Variants in SRSF11 observed in about 807,000 individuals in gnomAD.
The protein encoded by SRSF11 is serine and arginine rich splicing factor 11.
Under a neutral mutation model 56.0 loss-of-function variants are expected in SRSF11, and 9 were observed. The observed-to-expected ratio is 0.16, with a 90% CI of 0.10 to 0.28. The LOEUF (loss-of-function observed/expected upper bound fraction) is 0.28, where lower values mean the gene tolerates loss of function less well. Ranked by LOEUF, SRSF11 falls within the 10% of genes least tolerant of loss-of-function variation. SRSF11 has a pLI of 1.00. For missense variants in SRSF11, 421 were observed against 600.7 expected (o/e 0.70, Z 3.13); for synonymous variants, 222 against 215.3 (o/e 1.03, Z -0.27).
intron 2 of SRSF11, chr1:70,229,092 A>G (rs1234420323): frequency 2.5e-5 from 29 of 1,140,984 alleles, no homozygotes; most frequent in Non-Finnish European, 3.2e-5. Flanking sequence ...TTAGGTGCCA[A>G]ATGGGCACTG....
chr1:70,245,955 G>C (rs1181975763), intron 8 of SRSF11, among the ~76,000 whole-genome samples: 2 of 152,078 alleles, frequency 1.3e-5, no homozygotes. Context: ...TAGTAATCTA[G>C]GAGTTAGATG....
chr1:70,227,951 A>G (rs1672168673), intron 1 of SRSF11, among the ~76,000 whole-genome samples: 1 of 152,148 alleles, frequency 6.6e-6, no homozygotes, highest in Non-Finnish European at 1.5e-5. Flanking sequence ...TGTTTATTTT[A>G]TGCAGTTCAA....
chr1:70,249,059 ATTTTT>A (rs577595770), intron 9 of SRSF11: 1 of 149,244 alleles, frequency 6.7e-6, no homozygotes, highest in Admixed American at 6.7e-5. Flanking sequence ...CAGGAACAGA[ATTTTT>A]TTTTTTAAGT....
At position 70,209,873 on chromosome 1, in the gene SRSF11, A is replaced by T. The variant is rs551696009; in HGVS notation, c.-26+4093A>T. Among the ~76,000 whole-genome samples the T allele has an allele frequency of 2.0e-4, 29 of 144,498 alleles. No individual in the cohort carries two copies. The South Asian group carries it at 6.2e-3, about 31-fold the overall frequency. 94.8% of individuals were successfully genotyped at this position (144,498 alleles called of 152,430 possible). A position where few individuals can be genotyped will look rare whatever the true frequency, so the allele number is the denominator to read the frequency against. On this transcript the variant is annotated intron_variant, in intron 1 of 12. Transcript: ENST00000370950. ...CCTGGCCTCCCAACGTGTTGGAATT[A>T]CAGGCATGAGCCACGATGCCTGGCC... is the stretch of plus-strand genomic sequence containing the variant.
At chr1:70,224,604 A>G (rs1671368152) in intron 1 of SRSF11, among the ~76,000 whole-genome samples, 1 of 152,184 alleles carries the variant, frequency 6.6e-6, no homozygotes, top group Non-Finnish European at 1.5e-5. Flanking sequence ...TGGGATTATG[A>G]CAGACATTTC....
intron 2 of SRSF11, chr1:70,232,024 ATT>A: frequency 6.7e-7 from 1 of 1,502,682 alleles, no homozygotes; most frequent in South Asian, 1.3e-5. Context: ...GTATTGTGCT[ATT>A]TTTTTTTACT....
At chr1:70,244,229 G>A (rs1164484260) in intron 7 of SRSF11, among the ~76,000 whole-genome samples, 2 of 152,114 alleles carry the variant, frequency 1.3e-5, no homozygotes, top group African/African-American at 2.4e-5. Context: ...ATGGACTTAC[G>A]AGACCAATTT....
intron 7 of SRSF11, among the ~76,000 whole-genome samples, chr1:70,242,458 G>A (rs995439801): frequency 2.3e-5 from 3 of 130,866 alleles, no homozygotes; most frequent in Non-Finnish European, 4.9e-5. Context: ...ACCACACCTG[G>A]CTAATTTTTG....
rs185930104 is a variant in SRSF11 at position 70,233,983 on chromosome 1, A to G, written c.448-713A>G. Among the ~76,000 whole-genome samples the G allele has an allele frequency of 1.3e-3, 191 of 152,352 alleles. 1 individual carries two copies. Among genetic ancestry groups the G allele is most frequent in the African/African-American group, 4.4e-3 (183 of 41,588 alleles). ...GCTGAAGCAGAAGGAACACCCATTT[A>G]GTTCAGGGGACTCCTCTTTCCCCAT... On this transcript the variant is annotated intron_variant, in intron 3 of 11. Coordinates refer to ENST00000370949, the MANE Select transcript of SRSF11 (RefSeq NM_001350605.2).
intron 5 of SRSF11, 77 bp downstream of exon 5, chr1:70,235,627 A>G (rs1288321740): frequency 7.3e-7 from 1 of 1,372,126 alleles, no homozygotes; most frequent in African/African-American, 1.5e-5. Flanking sequence ...TTGATAGCTT[A>G]TAAGAAAGTT....
At position 70,236,792 on chromosome 1, in the gene SRSF11, ATTTTTTTTTTTTT is replaced by A. The variant is rs35602423; in HGVS notation, c.591-616_591-604del. ...TCCCCAAAAAATTACTATGTCATAA[ATTTTTTTTTTTTT>A]TTTTTTTTTTTTTTTTGAGACGAAA... is the stretch of plus-strand genomic sequence containing the variant. On this transcript the variant is annotated intron_variant, in intron 5 of 11. Coordinates refer to ENST00000370949, the MANE Select transcript of SRSF11 (RefSeq NM_001350605.2). Among the ~76,000 whole-genome samples, 278 of 83,786 alleles carry A rather than the reference ATTTTTTTTTTTTT, an allele frequency of 3.3e-3. 3 individuals carry two copies. Among genetic ancestry groups the A allele is most frequent in the African/African-American group, 0.01 (245 of 23,434 alleles). 55.0% of individuals were successfully genotyped at this position (83,786 alleles called of 152,430 possible).
upstream of SRSF11, among the ~76,000 whole-genome samples, chr1:70,218,013 G>A (rs145507790): frequency 1.2e-4 from 18 of 151,870 alleles, no homozygotes; most frequent in East Asian, 3.1e-3. Flanking sequence ...TTTTTGAGAC[G>A]GAGTCTTGCT....
intron 2 of SRSF11, chr1:70,229,069 G>T: frequency 9.1e-7 from 1 of 1,101,514 alleles, no homozygotes; most frequent in African/African-American, 1.7e-5. Context: ...GAAAGTTCAA[G>T]ATTTCCTGTA....
intron 1 of SRSF11, among the ~76,000 whole-genome samples, chr1:70,207,761 T>C (rs914992300): frequency 3.1e-4 from 47 of 151,478 alleles, no homozygotes; most frequent in Middle Eastern, 3.4e-3. Flanking sequence ...GGTCTCACTC[T>C]GTCACCCATG....
chr1:70,250,833 A>C lies in SRSF11; in HGVS notation c.*28A>C. 1 of 1,578,988 alleles carries C rather than the reference A, an allele frequency of 6.3e-7. No individual in the cohort carries two copies. Among genetic ancestry groups the C allele is most frequent in the South Asian group, 1.1e-5 (1 of 90,142 alleles). ...ATTGCCTCTGAGGGAGTCCAACTGT[A>C]TACCTGCATCAGTGTCATTCCTTTG... On this transcript the variant is annotated 3_prime_UTR_variant, in exon 12 of 12. Coordinates refer to ENST00000370949, the MANE Select transcript of SRSF11 (RefSeq NM_001350605.2).
At chr1:70,222,582 GAA>G (rs749117746) in intron 1 of SRSF11, among the ~76,000 whole-genome samples, 1 of 151,982 alleles carries the variant, frequency 6.6e-6, no homozygotes, top group Non-Finnish European at 1.5e-5. Flanking sequence ...GAATTGTAAA[GAA>G]AAAATAGTTC....
intron 1 of SRSF11, among the ~76,000 whole-genome samples, chr1:70,224,698 G>T (rs537253462): frequency 1.3e-5 from 2 of 152,186 alleles, no homozygotes; most frequent in South Asian, 4.2e-4. Context: ...AGAATTTCTG[G>T]CCTGTAATTT....
At chr1:70,241,532 T>C (rs898668338) in intron 7 of SRSF11, among the ~76,000 whole-genome samples, 1 of 152,176 alleles carries the variant, frequency 6.6e-6, no homozygotes, top group Non-Finnish European at 1.5e-5. Flanking sequence ...CTTGATAAGG[T>C]GATACATAAA....
chr1:70,240,554 G>A (rs1051624697), intron 7 of SRSF11, among the ~76,000 whole-genome samples: 13 of 152,098 alleles, frequency 8.5e-5, no homozygotes, highest in Admixed American at 3.3e-4. Flanking sequence ...TTGTGCAAAC[G>A]ACAATATAAA....
Sources: allele counts gnomAD v4.1 joint callset (sites outside exome capture counted in the v4.1 genomes callset), GRCh38; gene constraint gnomAD v4.1.1; transcripts MANE v1.5; gene names NCBI Gene and HGNC (gene_info 2026-07-23, HGNC 2026-07-21).